The following COMMD1 variants were observed in gnomAD, a reference collection of about 807,000 sequenced individuals.
COMMD1 encodes the protein copper metabolism domain containing 1, also known as COMM domain-containing protein 1.
COMMD1 carries 10 observed loss-of-function variants against 17.2 expected under a neutral mutation model. The observed-to-expected ratio is 0.58, with a 90% CI of 0.36 to 0.99. The LOEUF (loss-of-function observed/expected upper bound fraction) is 0.99, where lower values mean the gene tolerates loss of function less well. Among genes scored for constraint, COMMD1 ranks in the 50% least tolerant of loss-of-function variants. The pLI, the probability that COMMD1 is intolerant of heterozygous loss-of-function variation, is 0.01. For missense variants in COMMD1, 270 were observed against 231.8 expected (o/e 1.17, Z -1.07); for synonymous variants, 97 against 91.6 (o/e 1.06, Z -0.34).
At chr2:62,022,418 T>C (rs1255325685) in intron 2 of COMMD1, among the ~76,000 whole-genome samples, 1 of 150,926 alleles carries the variant, frequency 6.6e-6, no homozygotes, top group Non-Finnish European at 1.5e-5. Flanking sequence ...TATTTTAGCA[T>C]GAGTCTTCTA....
At chr2:61,997,474 C>T (rs1378055493) in intron 1 of COMMD1, among the ~76,000 whole-genome samples, 1 of 152,018 alleles carries the variant, frequency 6.6e-6, no homozygotes, top group Non-Finnish European at 1.5e-5. Context: ...TCTCCTTGTA[C>T]GTCTCCATCA....
chr2:61,890,787 A>G (rs1235359735), intron 1 of COMMD1, among the ~76,000 whole-genome samples: 1 of 144,904 alleles, frequency 6.9e-6, no homozygotes, highest in Non-Finnish European at 1.5e-5. Flanking sequence ...AGATTGCGCC[A>G]CTGCACTCCA....
intron 1 of COMMD1, among the ~76,000 whole-genome samples, chr2:61,948,039 T>A (rs1228045807): frequency 6.6e-6 from 1 of 152,088 alleles, no homozygotes; most frequent in African/African-American, 2.4e-5. Flanking sequence ...ATCAATAAAG[T>A]ATACATATAA....
At chr2:61,988,604 G>A (rs1365011403) in intron 1 of COMMD1, among the ~76,000 whole-genome samples, 3 of 152,142 alleles carry the variant, frequency 2.0e-5, no homozygotes, top group Admixed American at 2.0e-4. Flanking sequence ...TTTTGGAGCT[G>A]TGAGCTGTGC....
intron 2 of COMMD1, among the ~76,000 whole-genome samples, chr2:62,133,989 T>G (rs1232972473): frequency 6.6e-6 from 1 of 152,086 alleles, no homozygotes; most frequent in Non-Finnish European, 1.5e-5. Context: ...TTTTTAGAGA[T>G]AGAGTTTCAT....
At chr2:62,120,786 C>T (rs1046034163) in intron 2 of COMMD1, among the ~76,000 whole-genome samples, 10 of 151,998 alleles carry the variant, frequency 6.6e-5, no homozygotes, top group South Asian at 2.1e-4. Context: ...AGTGCAGTGG[C>T]GCAAACACAG....
chr2:62,083,235 C>A (rs1671574687), intron 2 of COMMD1, among the ~76,000 whole-genome samples: 1 of 151,912 alleles, frequency 6.6e-6, no homozygotes, highest in Admixed American at 6.6e-5. Flanking sequence ...TGTGCTGCAG[C>A]CTGGGTGACA....
intron 2 of COMMD1, among the ~76,000 whole-genome samples, chr2:62,096,414 C>A (rs1249548167): frequency 6.6e-6 from 1 of 152,180 alleles, no homozygotes; most frequent in African/African-American, 2.4e-5. Context: ...ATTCCTAGAG[C>A]ATTCTCATTT....
At chr2:62,013,283 A>G (rs1043829059) in intron 2 of COMMD1, among the ~76,000 whole-genome samples, 1 of 152,158 alleles carries the variant, frequency 6.6e-6, no homozygotes, top group Non-Finnish European at 1.5e-5. Flanking sequence ...CAAAACAACA[A>G]AAAGAAAAAC....
chr2:61,934,902 G>C (rs533241805), intron 1 of COMMD1, among the ~76,000 whole-genome samples: 44 of 152,322 alleles, frequency 2.9e-4, no homozygotes, highest in African/African-American at 1.0e-3. Context: ...ACAGGCATGA[G>C]CTGCTGTGCC....
chr2:61,944,796 G>C (rs1670864611), intron 1 of COMMD1, among the ~76,000 whole-genome samples: 1 of 152,094 alleles, frequency 6.6e-6, no homozygotes, highest in Non-Finnish European at 1.5e-5. Flanking sequence ...CCTTTGTTCT[G>C]AGTTCTTTAA....
At chr2:61,963,493 A>G (rs965577597) in intron 1 of COMMD1, among the ~76,000 whole-genome samples, 1 of 152,080 alleles carries the variant, frequency 6.6e-6, no homozygotes, top group Non-Finnish European at 1.5e-5. Flanking sequence ...AGTGGTGCAC[A>G]CCACCATGCT....
intron 2 of COMMD1, among the ~76,000 whole-genome samples, chr2:62,073,947 T>A (rs924276731): frequency 1.2e-4 from 18 of 152,324 alleles, no homozygotes; most frequent in African/African-American, 4.3e-4. Context: ...TCCACCCGCC[T>A]TGGCCTCCTA....
chr2:62,131,824 T>G (rs562198642), intron 2 of COMMD1, among the ~76,000 whole-genome samples: 1 of 151,382 alleles, frequency 6.6e-6, no homozygotes, highest in South Asian at 2.1e-4. Context: ...ATTACAGGCA[T>G]GAGCCACCAC....
intron 1 of COMMD1, among the ~76,000 whole-genome samples, chr2:61,948,521 C>T (rs1249265725): frequency 1.3e-5 from 2 of 152,086 alleles, no homozygotes; most frequent in African/African-American, 2.4e-5. Flanking sequence ...TACACATATA[C>T]AGACAAAAGC....
intron 2 of COMMD1, among the ~76,000 whole-genome samples, chr2:62,073,641 G>T (rs1418397703): frequency 6.6e-6 from 1 of 152,138 alleles, no homozygotes; most frequent in African/African-American, 2.4e-5. Flanking sequence ...ACTTTCTCAG[G>T]ATCTCTTGAG....
At chr2:61,962,644 T>C (rs1671382016) in intron 1 of COMMD1, among the ~76,000 whole-genome samples, 1 of 152,108 alleles carries the variant, frequency 6.6e-6, no homozygotes, top group Non-Finnish European at 1.5e-5. Context: ...GACACTGAAG[T>C]TTGGGTGAGT....
At chr2:62,116,261 C>G (rs144464204) in intron 2 of COMMD1, among the ~76,000 whole-genome samples, 107 of 152,366 alleles carry the variant, frequency 7.0e-4, no homozygotes, top group African/African-American at 2.5e-3. Context: ...TAAGGCATCT[C>G]AGCCAGGACC....
intron 1 of COMMD1, among the ~76,000 whole-genome samples, chr2:61,899,830 C>G (rs1330965192): frequency 6.6e-6 from 1 of 152,116 alleles, no homozygotes; most frequent in Non-Finnish European, 1.5e-5. Flanking sequence ...TGCCACCCCA[C>G]CCAGCTAATT....
Sources: allele counts gnomAD v4.1 joint callset (sites outside exome capture counted in the v4.1 genomes callset), GRCh38; gene constraint gnomAD v4.1.1; transcripts MANE v1.5; gene names NCBI Gene and HGNC (gene_info 2026-07-23, HGNC 2026-07-21).